GPRC5A: variants seen among roughly 807,000 people sequenced by gnomAD.
GPRC5A encodes retinoic acid-induced protein 3.
A neutral mutation model predicts 22.5 loss-of-function variants in GPRC5A; 19 were observed. The ratio of observed to expected loss-of-function variants is 0.85; its 90% CI spans 0.59 to 1.24. The LOEUF is 1.24. GPRC5A is among the 50% of genes most tolerant of loss of function. The probability of loss-of-function intolerance (pLI) is 0.00; values close to 1 mark genes in which losing one functional copy is unlikely to be tolerated. For synonymous variants in GPRC5A, 192 were observed against 184.5 expected, an observed-to-expected ratio of 1.04 and a Z score of -0.33; for missense variants, 471 against 451.1, an observed-to-expected ratio of 1.04 and a Z score of -0.40.
rs373481721 is a variant in GPRC5A at position 12,914,592 on chromosome 12, CTT to C, written c.*2055_*2056del. ...TCTTTCTTTCTTTCTTTCTTTCTTT[CTT>C]TCTCTCTCTCTCTCTCTCTCTCTTT... On this transcript the variant is annotated 3_prime_UTR_variant, in exon 4 of 4. Coordinates refer to ENST00000014914, the MANE Select transcript of GPRC5A (RefSeq NM_003979.4). The C allele has an allele frequency of 2.5e-3, 209 of 83,940 alleles. No individual in the cohort carries two copies. The highest frequency in any genetic ancestry group is 4.4e-3 in the South Asian group (12 of 2,752). The allele number at this position is 83,940 out of a possible 1,614,324, so 5.2% of individuals were successfully genotyped here.
At chr12:12,900,977 CT>C in intron 1 of GPRC5A, among the ~76,000 whole-genome samples, 1 of 150,202 alleles carries the variant, frequency 6.7e-6, no homozygotes, top group Middle Eastern at 3.4e-3. Context: ...AAACCCCTTT[CT>C]TTCATGCCTA....
chr12:12,904,506 C>G (rs7311242), intron 1 of GPRC5A, among the ~76,000 whole-genome samples: 4 of 151,838 alleles, frequency 2.6e-5, no homozygotes, highest in African/African-American at 7.3e-5. Context: ...CCATCCGTCT[C>G]TCTCTTCTAC....
At chr12:12,903,764 C>T (rs1193788586) in intron 1 of GPRC5A, among the ~76,000 whole-genome samples, 1 of 152,144 alleles carries the variant, frequency 6.6e-6, no homozygotes, top group African/African-American at 2.4e-5. Flanking sequence ...GACTCAGCAC[C>T]CTCCTGCGCA....
At chr12:12,891,691 C>G (rs935135785) in intron 1 of GPRC5A, 27 bp downstream of exon 1, 1 of 152,104 alleles carries the variant, frequency 6.6e-6, no homozygotes, top group African/African-American at 2.4e-5. Context: ...GAGCCCAGAG[C>G]GCTGGGGCCT....
Position 12,915,016 on chromosome 12 carries a change from C to G in GPRC5A, c.*2477C>G, listed in dbSNP as rs927404536. ...AAAATCACAAAATACTCTGGATCGG[C>G]ATTTTTTTTTTTTTTTTTTTTTGAG... On this transcript the variant is annotated 3_prime_UTR_variant, in exon 4 of 4. Coordinates refer to ENST00000014914, the MANE Select transcript of GPRC5A (RefSeq NM_003979.4). 2 of 105,864 alleles carry G rather than the reference C, an allele frequency of 1.9e-5. No homozygotes were observed. The highest frequency in any genetic ancestry group is 6.5e-5 in the African/African-American group (2 of 30,584). The allele number at this position is 105,864 out of a possible 1,614,324, so 6.6% of individuals were successfully genotyped here. A position where few individuals can be genotyped will look rare whatever the true frequency, so the allele number is the denominator to read the frequency against.
chr12:12,909,883 G>A (rs1358638132), intron 2 of GPRC5A: 1 of 143,688 alleles, frequency 7.0e-6, no homozygotes, highest in East Asian at 2.1e-4. Flanking sequence ...AGGATTGCTT[G>A]AGCCCAGAAG....
chr12:12,908,411 C>T lies in GPRC5A; in HGVS notation c.162C>T (p.Cys54=). The change falls in exon 2 of 4, where the codon TGC becomes TGT. Residue 54 remains cysteine (C), a synonymous_variant. Transcript: ENST00000014914. ...AFMLTLPILV[C]KVQDSNRRKM... is the part of the protein sequence containing the mutation. ...TGCTCACTCTCCCGATCCTCGTCTG[C>T]AAGGTGCAGGACTCCAACAGGCGAA... The T allele has an allele frequency of 6.2e-7, 1 of 1,614,146 alleles. No homozygotes were observed.
At chr12:12,909,225 A>C in intron 2 of GPRC5A, 54 bp downstream of exon 2, 2 of 1,185,210 alleles carry the variant, frequency 1.7e-6, no homozygotes, top group Non-Finnish European at 2.4e-6. Flanking sequence ...GTGGGGGAGA[A>C]TCATAGGATA....
In GPRC5A at chr12:12,900,783, G is replaced by A. The variant is rs531092784; in HGVS notation, c.-7-7460G>A. Among the ~76,000 whole-genome samples, 33 of 151,020 alleles carry A rather than the reference G, an allele frequency of 2.2e-4. No homozygotes were observed. The East Asian group carries it at 2.7e-3, about 12-fold the overall frequency. ...CACATGCCTGTAATCCCAGCCACTC[G>A]GGAGGCTGAGGCAGGAGAATCACTT... On this transcript the variant is annotated intron_variant, in intron 1 of 3. Coordinates refer to ENST00000014914, the MANE Select transcript of GPRC5A (RefSeq NM_003979.4).
At chr12:12,900,819 G>C (rs1284756007) in intron 1 of GPRC5A, among the ~76,000 whole-genome samples, 1 of 137,204 alleles carries the variant, frequency 7.3e-6, no homozygotes, top group African/African-American at 2.6e-5. Flanking sequence ...GAACCTGGGA[G>C]ATGGTGGTTG....
At chr12:12,897,332 T>C (rs1863832815) in intron 1 of GPRC5A, among the ~76,000 whole-genome samples, 1 of 151,196 alleles carries the variant, frequency 6.6e-6, no homozygotes. Flanking sequence ...TGCAGAAATA[T>C]GGTAAGTGGA....
rs60735966 is a variant in GPRC5A at position 12,915,017 on chromosome 12, A to ATTTTTTTTT, written c.*2491_*2499dup. 9.2e-6 allele frequency: 1 copy of ATTTTTTTTT among 108,670 alleles called. No individual in the cohort carries two copies. Among genetic ancestry groups the ATTTTTTTTT allele is most frequent in the Non-Finnish European group, 1.8e-5 (1 of 55,924 alleles). The allele number at this position is 108,670 out of a possible 1,614,324, so 6.7% of individuals were successfully genotyped here. A position where few individuals can be genotyped will look rare whatever the true frequency, so the allele number is the denominator to read the frequency against. Reference sequence around the variant, plus strand: ...AAATCACAAAATACTCTGGATCGGCATTTTTTTTTTTTTTTTTTTTTGAGA... The same window carrying ATTTTTTTTT: ...AAATCACAAAATACTCTGGATCGGCATTTTTTTTTTTTTTTTTTTTTTTTTTTTTTGAGA... On this transcript the variant is annotated 3_prime_UTR_variant, in exon 4 of 4. Coordinates refer to ENST00000014914, the MANE Select transcript of GPRC5A (RefSeq NM_003979.4).
Position 12,907,400 on chromosome 12 carries a change from C to CA in GPRC5A, c.-7-828dup, listed in dbSNP as rs567033664. 8.7e-3 allele frequency among the ~76,000 whole-genome samples: 786 copies of CA among 90,078 alleles called. 16 individuals are homozygous for CA. Among genetic ancestry groups the CA allele is most frequent in the African/African-American group, 0.025 (585 of 23,348 alleles). The allele number at this position is 90,078 out of a possible 152,430, so 59.1% of individuals were successfully genotyped here. ...TGGGCGACAGAGCGAGACTCTGTCT[C>CA]AAAAAAAAAAAAAAAGAGAGAGAAA... On this transcript the variant is annotated intron_variant, in intron 1 of 3. Coordinates refer to ENST00000014914, the MANE Select transcript of GPRC5A (RefSeq NM_003979.4).
At position 12,908,594 on chromosome 12, in the gene GPRC5A, T is replaced by C. The variant is rs1006102294; in HGVS notation, c.345T>C (p.His115=). ...TCTGCTTCTCCTGCCTGCTGGCTCATGCTGTCAGTCTGACCAAGCTCGTCC... is the reference window on the plus strand; with the variant it reads ...TCTGCTTCTCCTGCCTGCTGGCTCACGCTGTCAGTCTGACCAAGCTCGTCC... ...FSICFSCLLA[H]AVSLTKLVRG... Residue 115 remains histidine, a synonymous_variant, in exon 2 of 4, where the codon CAT becomes CAC. Transcript: ENST00000014914. 2.5e-6 allele frequency: 4 copies of C among 1,614,148 alleles called. No homozygotes were observed. The highest frequency in any genetic ancestry group is 2.5e-6 in the Non-Finnish European group (3 of 1,179,992).
In GPRC5A at chr12:12,892,444, C is replaced by A. The variant is rs1369923115; in HGVS notation, c.-8+780C>A. On this transcript the variant is annotated intron_variant, in intron 1 of 3. Transcript: ENST00000014914. Reference sequence around the variant, plus strand: ...GTACAATGTTGCGATCTCAGCTCACCGCGACCTCCACCTCCCGGGTTCAAG... The same window carrying A: ...GTACAATGTTGCGATCTCAGCTCACAGCGACCTCCACCTCCCGGGTTCAAG... Among the ~76,000 whole-genome samples, 2 of 152,054 alleles carry A rather than the reference C, an allele frequency of 1.3e-5. 1 individual carries two copies. Among genetic ancestry groups the A allele is most frequent in the South Asian group, 4.1e-4 (2 of 4,832 alleles).
chr12:12,895,567 A>G (rs950235804), intron 1 of GPRC5A, among the ~76,000 whole-genome samples: 4 of 152,048 alleles, frequency 2.6e-5, no homozygotes, highest in Admixed American at 6.6e-5. Context: ...TTTGAAAGAT[A>G]GGCTTGTAAG....
At chr12:12,912,279 A>G in intron 3 of GPRC5A, 137 bp downstream of exon 3, 1 of 869,240 alleles carries the variant, frequency 1.2e-6, no homozygotes, top group South Asian at 1.4e-5. Flanking sequence ...CTTTCCTCTA[A>G]GCGGCCTCAC....
intron 1 of GPRC5A, among the ~76,000 whole-genome samples, chr12:12,907,856 A>T (rs1175413113): frequency 1.3e-5 from 2 of 152,190 alleles, no homozygotes; most frequent in Admixed American, 1.3e-4. Context: ...CAAACTTCAG[A>T]GAGCAAATGA....
Position 12,908,760 on chromosome 12 carries a change from C to T in GPRC5A, c.511C>T (p.Pro171Ser), listed in dbSNP as rs778793935. The part of the protein sequence containing the change: ...NVNVFSELSA[P>S]RRNEDFVLLL... ...CAATGTCTTTTCTGAGCTTTCCGCT[C>T]CTCGTCGCAATGAAGACTTTGTCCT... Residue 171 changes from proline (P) to serine (S), a missense_variant, in exon 2 of 4, where the codon CCT (proline) becomes TCT (serine). Transcript: ENST00000014914. The T allele has an allele frequency of 3.1e-6, 5 of 1,614,098 alleles. No homozygotes were observed. The highest frequency in any genetic ancestry group is 3.4e-6 in the Non-Finnish European group (4 of 1,180,026).
Sources: gnomAD v4.1 joint callset for allele counts (sites outside exome capture counted in the v4.1 genomes callset) on GRCh38, gnomAD v4.1.1 for gene constraint, MANE v1.5 for transcripts, NCBI Gene and HGNC (gene_info 2026-07-23, HGNC 2026-07-21) for gene names.